The following KIF22 variants were observed in gnomAD, a reference collection of about 807,000 sequenced individuals.
KIF22 encodes the protein kinesin family member 22, also known as kinesin-like protein KIF22.
In KIF22, 62 loss-of-function variants were observed where a neutral mutation model predicts 73.0. The ratio of observed to expected loss-of-function variants is 0.85; its 90% CI spans 0.69 to 1.05. KIF22 has a LOEUF of 1.05. Ranked by LOEUF, KIF22 falls within the 50% of genes least tolerant of loss-of-function variation. The pLI is 0.00. For missense variants in KIF22, 854 were observed against 870.1 expected, an observed-to-expected ratio of 0.98 and a Z score of 0.23; for synonymous variants, 411 against 340.1, an observed-to-expected ratio of 1.21 and a Z score of -2.29.
At chr16:29,790,945 G>A in intron 1 of KIF22, 116 bp downstream of exon 1, 2 of 1,514,944 alleles carry the variant, frequency 1.3e-6, no homozygotes, top group Non-Finnish European at 1.8e-6. Context: ...CCATGGCGCA[G>A]GGGCGGGGAG....
chr16:29,791,926 C>G (rs745546343), intron 1 of KIF22, among the ~76,000 whole-genome samples: 1 of 152,150 alleles, frequency 6.6e-6, no homozygotes, highest in Non-Finnish European at 1.5e-5. Flanking sequence ...GAATAATGTC[C>G]CTTCCTCGAG....
chr16:29,802,676 T>G, intron 8 of KIF22, 93 bp from the exon 9 acceptor site: 3 of 1,199,752 alleles, frequency 2.5e-6, no homozygotes, highest in Non-Finnish European at 3.4e-6. Flanking sequence ...AGCTACAGGA[T>G]ATACCAAGTT....
rs1285145360 is a variant in KIF22 at position 29,804,019 on chromosome 16, C to T, written c.1631C>T (p.Pro544Leu). 8 of 1,613,510 alleles carry T rather than the reference C, an allele frequency of 5.0e-6. No individual in the cohort carries two copies. The East Asian group carries it at 6.7e-5, about 13-fold the overall frequency. ...LQLIQEQAAS[P>L]NAEIHILKNK... is the part of the protein sequence containing the mutation. ...TCAGTTCAGGAGCAGGCAGCATCCC[C>T]AAATGCCGAGATCCACATCCTGAAG... The change falls in exon 11 of 14, where the codon CCA (proline) becomes CTA (leucine). Residue 544 changes from proline to leucine, a missense_variant. By Grantham distance (98) the Pro-to-Leu change is moderately conservative. Transcript: ENST00000160827.
chr16:29,798,351 AATTT>A lies in KIF22; in HGVS notation c.267-22_267-19del, dbSNP rs764177021. ...ACACACACACACACACACACACGCT[AATTT>A]CTTTCTTTCTTCCTGCAGGTTTGAT... On this transcript the variant is annotated intron_variant, in intron 2 of 13. Coordinates refer to ENST00000160827, the MANE Select transcript of KIF22 (RefSeq NM_007317.3). The surrounding 1 kb of genome is among the most constrained non-coding windows in gnomAD (Gnocchi z 4.1). 1 of 1,359,912 alleles carries A rather than the reference AATTT, an allele frequency of 7.4e-7. No homozygotes were observed. Among genetic ancestry groups the A allele is most frequent in the Admixed American group, 2.2e-5 (1 of 46,292 alleles). 84.2% of individuals were successfully genotyped at this position (1,359,912 alleles called of 1,614,324 possible).
rs201238606 is a variant in KIF22 at position 29,805,213 on chromosome 16, G to A, written c.1950+39G>A. On this transcript the variant is annotated intron_variant, in intron 13 of 13. Coordinates refer to ENST00000160827, the MANE Select transcript of KIF22 (RefSeq NM_007317.3). ...CCTGCCCCTCCTCTGCCTGTCCTGC[G>A]CCCCGCGCCCCTCTCTAACGTCGCT... 1.4e-5 allele frequency: 23 copies of A among 1,614,020 alleles called. No homozygotes were observed. In the East Asian group the frequency reaches 4.0e-4, roughly 28 times the overall value.
chr16:29,794,187 T>G (rs1898892683), intron 1 of KIF22, among the ~76,000 whole-genome samples: 2 of 152,220 alleles, frequency 1.3e-5, no homozygotes, highest in East Asian at 3.8e-4. Flanking sequence ...TAAAGCACTT[T>G]GGAGTTAGAT....
Position 29,804,890 on chromosome 16 carries a change from T to G in KIF22, c.1754T>G (p.Leu585Arg). The change falls in exon 12 of 14, where the codon CTG (leucine) becomes CGG (arginine). Residue 585 changes from leucine to arginine, a missense_variant. Around this residue, in one of 3 missense-constraint regions of KIF22, gnomAD observed 423 missense variants for 365.4 expected, o/e 1.16. Transcript: ENST00000160827. The part of the protein sequence containing the change: ...CWELQISPEL[L>R]AHGRQKILDL... ...GAGCTACAGATCAGCCCGGAGCTACTGGCTCATGGGCGCCAAAAAATACTG... is the reference window on the plus strand; with the variant it reads ...GAGCTACAGATCAGCCCGGAGCTACGGGCTCATGGGCGCCAAAAAATACTG... 1.2e-6 allele frequency: 2 copies of G among 1,613,980 alleles called. No homozygotes were observed. Among genetic ancestry groups the G allele is most frequent in the Middle Eastern group, 1.6e-4 (1 of 6,062 alleles).
At position 29,798,474 on chromosome 16, in the gene KIF22, G is replaced by T; in HGVS notation, c.367G>T (p.Val123Leu). 1 of 1,614,220 alleles carries T rather than the reference G, an allele frequency of 6.2e-7. No individual in the cohort carries two copies. Among genetic ancestry groups the T allele is most frequent in the Non-Finnish European group, 8.5e-7 (1 of 1,180,052 alleles). ...CTTGCTGGAAGGGCAGAATGCCAGT[G>T]TGCTTGCCTATGGACCCACAGGAGC... is the stretch of plus-strand genomic sequence containing the variant. ...RHLLEGQNAS[V>L]LAYGPTGAGK... The change falls in exon 3 of 14, where the codon GTG (valine) becomes TTG (leucine). Residue 123 changes from valine (V) to leucine (L), a missense_variant. Val to Leu is a conservative substitution (Grantham distance 32). Coordinates refer to ENST00000160827, the MANE Select transcript of KIF22 (RefSeq NM_007317.3). The surrounding 1 kb of genome is among the most constrained non-coding windows in gnomAD (Gnocchi z 4.1).
chr16:29,803,878 C>A, intron 10 of KIF22, 120 bp from the exon 11 acceptor site: 2 of 805,268 alleles, frequency 2.5e-6, no homozygotes, highest in Non-Finnish European at 4.3e-6. Flanking sequence ...TGTGGAAACA[C>A]AACAGGTTAA....
At chr16:29,801,932 G>A (rs1899151156) in intron 8 of KIF22, among the ~76,000 whole-genome samples, 1 of 152,132 alleles carries the variant, frequency 6.6e-6, no homozygotes, top group Admixed American at 6.6e-5. Flanking sequence ...ATACAGATGT[G>A]AGGAGGTGTG....
rs777058761 is a variant in KIF22, at chr16:29,805,044, T to TGG, written c.1890+22_1890+23dup. 3 of 652,852 alleles carry TGG rather than the reference T, an allele frequency of 4.6e-6. No homozygotes were observed. The Admixed American group carries it at 5.8e-5, about 13-fold the overall frequency. 40.4% of individuals were successfully genotyped at this position (652,852 alleles called of 1,614,324 possible). ...TCAGCCAGGTAGCAGCCCACTGGACTGGGGGAGGGCGGGGGCGGGGGAGAC... is the reference window on the plus strand; with the variant it reads ...TCAGCCAGGTAGCAGCCCACTGGACTGGGGGGGAGGGCGGGGGCGGGGGAGAC... On this transcript the variant is annotated intron_variant, in intron 12 of 13. Transcript: ENST00000160827.
chr16:29,794,028 A>AAG (rs1244374246), intron 1 of KIF22, among the ~76,000 whole-genome samples: 2 of 152,196 alleles, frequency 1.3e-5, no homozygotes, highest in Admixed American at 1.3e-4. Flanking sequence ...AGTGGGTAGC[A>AAG]AGAGAAAGGG....
intron 11 of KIF22, chr16:29,804,352 C>T (rs1001969431): frequency 1.2e-5 from 7 of 602,120 alleles, no homozygotes; most frequent in African/African-American, 1.1e-4. Context: ...GGAACTATGA[C>T]CTAAGCAGTC....
In KIF22 at chr16:29,797,070, A is replaced by G. The variant is rs755131575; in HGVS notation, c.248A>G (p.Gln83Arg). ...GAGATTGCTAACTGGAGGAACCACC[A>G]GGAGACTCTCAAATACCAGTAAGGT... is the stretch of plus-strand genomic sequence containing the variant. ...SLEIANWRNH[Q>R]ETLKYQFDAF... The change falls in exon 2 of 14, where the codon CAG (glutamine) becomes CGG (arginine). Residue 83 changes from glutamine (Q) to arginine (R), a missense_variant. Coordinates refer to ENST00000160827, the MANE Select transcript of KIF22 (RefSeq NM_007317.3). The surrounding 1 kb of genome is among the most constrained non-coding windows in gnomAD (Gnocchi z 4.1). The G allele has an allele frequency of 6.9e-6, 11 of 1,594,352 alleles. No homozygotes were observed. In the African/African-American group the frequency reaches 1.3e-4, roughly 19 times the overall value.
chr16:29,803,713 T>G, intron 10 of KIF22, 105 bp downstream of exon 10: 2 of 974,868 alleles, frequency 2.1e-6, no homozygotes, highest in Non-Finnish European at 3.1e-6. Context: ...TCCCACCACA[T>G]ACCAGTCCCA....
At chr16:29,803,338 A>G (rs917581050) in intron 9 of KIF22, 111 bp from the exon 10 acceptor site, 4 of 1,323,564 alleles carry the variant, frequency 3.0e-6, no homozygotes, top group Non-Finnish European at 4.2e-6. Context: ...CACTGGTCCT[A>G]GCCCTGCCCT....
Position 29,799,744 on chromosome 16 carries a change from C to A in KIF22, c.1107C>A (p.Ile369=), listed in dbSNP as rs772146772. 233 of 1,613,018 alleles carry A rather than the reference C, an allele frequency of 1.4e-4. No homozygotes were observed. Among genetic ancestry groups the A allele is most frequent in the Non-Finnish European group, 1.0e-5 (12 of 1,179,536 alleles). ...LNFAARSKEV[I]NRPFTNESLQ... ...TTGCTGCCAGGTCCAAGGAGGTGAT[C>A]AATCGGCCTTTTACCAATGAGAGCC... The change falls in exon 7 of 14, where the codon ATC becomes ATA. Residue 369 remains isoleucine, a synonymous_variant. Coordinates refer to ENST00000160827, the MANE Select transcript of KIF22 (RefSeq NM_007317.3).
intron 1 of KIF22, among the ~76,000 whole-genome samples, chr16:29,793,363 C>A (rs549548874): frequency 1.9e-4 from 29 of 152,188 alleles, no homozygotes; most frequent in African/African-American, 5.8e-4. Flanking sequence ...TCGCTTGAAC[C>A]GGGAGGCGGA....
Position 29,790,795 on chromosome 16 carries a change from C to G in KIF22, c.36C>G (p.Arg12=). ...GCGGCTCGACGCAGCAGAGGCGACG[C>G]GAGATGGCGGCAGCTTCAGCGGCGG... is the stretch of plus-strand genomic sequence containing the variant. ...AAGGSTQQRR[R]EMAAASAAAI... Residue 12 remains arginine, a synonymous_variant, in exon 1 of 14, where the codon CGC becomes CGG. Transcript: ENST00000160827. The G allele has an allele frequency of 1.2e-6, 2 of 1,604,280 alleles. No homozygotes were observed. The highest frequency in any genetic ancestry group is 1.7e-6 in the Non-Finnish European group (2 of 1,175,616).
Sources: gnomAD v4.1 joint callset for allele counts (sites outside exome capture counted in the v4.1 genomes callset) on GRCh38, gnomAD v4.1.1 for gene constraint, gnomAD v4.1.1 regional missense constraint, Gnocchi (gnomAD v3.1) non-coding constraint, MANE v1.5 for transcripts, NCBI Gene and HGNC (gene_info 2026-07-23, HGNC 2026-07-21) for gene names.